The following CEP63 variants were observed in gnomAD, a reference collection of about 807,000 sequenced individuals.
CEP63 encodes the protein centrosomal protein 63, also known as centrosomal protein of 63 kDa.
Under a neutral mutation model 89.1 loss-of-function variants are expected in CEP63, and 84 were observed. That is an observed-to-expected ratio of 0.94 (90% CI 0.79 to 1.13). The LOEUF (loss-of-function observed/expected upper bound fraction) is 1.13. Among genes scored for constraint, CEP63 ranks in the 50% most tolerant of loss-of-function variants. The probability of loss-of-function intolerance (pLI) is 0.00; values close to 1 mark genes in which losing one functional copy is unlikely to be tolerated. For synonymous variants in CEP63, 267 were observed against 272.5 expected (o/e 0.98, Z 0.20); for missense variants, 838 against 813.3 (o/e 1.03, Z -0.37).
chr3:134,689,442 T>TTTATTATTATTATTATTA, the CEP63 span, among the ~76,000 whole-genome samples: 3,406 of 96,422 alleles, frequency 0.035, 60 homozygotes, highest in Middle Eastern at 0.058. Context: ...AAGGACCTTA[T>TTTATTATTATTATTATTA]TTATTATTAT....
intron 2 of CEP63, among the ~76,000 whole-genome samples, chr3:134,497,666 A>T (rs1453993066): frequency 2.0e-5 from 3 of 152,054 alleles, no homozygotes; most frequent in Admixed American, 6.5e-5. Flanking sequence ...CACTGTACCC[A>T]ATCCCTATGT....
the CEP63 span, chr3:134,597,990 G>C: frequency 6.6e-6 from 1 of 152,158 alleles, no homozygotes; most frequent in African/African-American, 2.4e-5. Flanking sequence ...TGCAGGTAGG[G>C]CTCCACCTCT....
At chr3:134,565,860 A>T (rs1957734404), downstream of CEP63, among the ~76,000 whole-genome samples, 1 of 152,130 alleles carries the variant, frequency 6.6e-6, no homozygotes, top group Non-Finnish European at 1.5e-5. Context: ...GTATGTGAGT[A>T]TCCAGAAGAG....
intron 3 of CEP63, chr3:134,510,659 G>T: frequency 1.6e-6 from 1 of 641,716 alleles, no homozygotes; most frequent in Non-Finnish European, 2.9e-6. Context: ...CTCCCTTCTT[G>T]CATTTCTGGA....
At chr3:134,733,940 G>T in the CEP63 span, among the ~76,000 whole-genome samples, 1 of 152,036 alleles carries the variant, frequency 6.6e-6, no homozygotes, top group Non-Finnish European at 1.5e-5. Context: ...TTATTCAATG[G>T]GGAAAAACTA....
intron 12 of CEP63, among the ~76,000 whole-genome samples, chr3:134,553,958 T>A (rs1955517840): frequency 6.6e-6 from 1 of 152,224 alleles, no homozygotes; most frequent in Non-Finnish European, 1.5e-5. Flanking sequence ...TAATTTTTGA[T>A]TTTATGAATA....
the CEP63 span, among the ~76,000 whole-genome samples, chr3:134,611,592 C>T: frequency 1.3e-5 from 2 of 152,242 alleles, no homozygotes; most frequent in Non-Finnish European, 2.9e-5. Flanking sequence ...GATACACAAC[C>T]TGTGAAACCG....
the CEP63 span, chr3:134,647,490 T>C: frequency 3.1e-6 from 5 of 1,608,926 alleles, no homozygotes; most frequent in Non-Finnish European, 4.3e-6. Context: ...TTCCAACACC[T>C]TGGAATCCTG....
the CEP63 span, among the ~76,000 whole-genome samples, chr3:134,765,109 C>T: frequency 6.6e-6 from 1 of 152,206 alleles, no homozygotes; most frequent in Non-Finnish European, 1.5e-5. Flanking sequence ...TGATAATTTG[C>T]ATTCCTAAGA....
chr3:134,763,228 C>T, the CEP63 span, among the ~76,000 whole-genome samples: 4 of 152,216 alleles, frequency 2.6e-5, no homozygotes, highest in Admixed American at 1.3e-4. Flanking sequence ...TATCCCTCCC[C>T]GCTCCCTCCA....
chr3:134,742,255 C>T, the CEP63 span, among the ~76,000 whole-genome samples: 27 of 152,220 alleles, frequency 1.8e-4, no homozygotes, highest in African/African-American at 5.8e-4. Context: ...CTTCCATCTG[C>T]AAGTTTTCCT....
At chr3:134,604,723 G>T in the CEP63 span, among the ~76,000 whole-genome samples, 3 of 152,182 alleles carry the variant, frequency 2.0e-5, no homozygotes, top group African/African-American at 7.2e-5. Flanking sequence ...TTCTTTGAGA[G>T]AAATGAAAGC....
the CEP63 span, among the ~76,000 whole-genome samples, chr3:134,712,639 A>AGTTT: frequency 6.7e-6 from 1 of 149,726 alleles, no homozygotes; most frequent in Non-Finnish European, 1.5e-5. Flanking sequence ...TTTTTCTTTT[A>AGTTT]GTTTGTTTGT....
chr3:134,601,573 C>G, the CEP63 span, among the ~76,000 whole-genome samples: 2 of 152,204 alleles, frequency 1.3e-5, no homozygotes, highest in Non-Finnish European at 1.5e-5. Flanking sequence ...CTTTGTTTCC[C>G]TGTGGTGGTG....
chr3:134,513,469 A>T (rs769289870), intron 3 of CEP63, among the ~76,000 whole-genome samples: 1 of 152,150 alleles, frequency 6.6e-6, no homozygotes, highest in African/African-American at 2.4e-5. Context: ...CAAATAGGTA[A>T]GTTAGATTTA....
chr3:134,499,084 A>G (rs1266021438), intron 2 of CEP63, among the ~76,000 whole-genome samples: 1 of 152,128 alleles, frequency 6.6e-6, no homozygotes, highest in Non-Finnish European at 1.5e-5. Flanking sequence ...CTCGCCTTCA[A>G]TTTTTTTGGA....
chr3:134,669,276 C>T, the CEP63 span, among the ~76,000 whole-genome samples: 7 of 152,176 alleles, frequency 4.6e-5, no homozygotes, highest in African/African-American at 1.2e-4. Flanking sequence ...GATCTGCCCA[C>T]CTCGGCCTCC....
chr3:134,763,630 C>T, the CEP63 span, among the ~76,000 whole-genome samples: 1 of 152,276 alleles, frequency 6.6e-6, no homozygotes, highest in East Asian at 1.9e-4. Flanking sequence ...CAAGTTTACC[C>T]AGTTCGCTGT....
chr3:134,578,981 C>CTT (rs199509955), downstream of CEP63, among the ~76,000 whole-genome samples: 1,149 of 152,030 alleles, frequency 7.6e-3, 16 homozygotes, highest in African/African-American at 0.026. Context: ...TGGTCTCGAA[C>CTT]TTCTGACCTC....
Sources: allele counts gnomAD v4.1 joint callset (sites outside exome capture counted in the v4.1 genomes callset), GRCh38; gene constraint gnomAD v4.1.1; transcripts MANE v1.5; gene names NCBI Gene and HGNC (gene_info 2026-07-23, HGNC 2026-07-21).